Variants in UBR4 observed in about 807,000 individuals in gnomAD.
The protein encoded by UBR4 is E3 ubiquitin-protein ligase UBR4.
Under a neutral mutation model 575.6 loss-of-function variants are expected in UBR4, and 124 were observed. That is an observed-to-expected ratio of 0.22 (90% CI 0.19 to 0.25). UBR4 has a LOEUF of 0.25. UBR4 is among the 10% of genes least tolerant of loss of function. The probability of loss-of-function intolerance (pLI) is 1.00; values close to 1 mark genes in which losing one functional copy is unlikely to be tolerated. For missense variants in UBR4, 4,818 were observed against 6,478.8 expected, an observed-to-expected ratio of 0.74 and a Z score of 8.80; for synonymous variants, 2,455 against 2,473.7, an observed-to-expected ratio of 0.99 and a Z score of 0.22.
intron 73 of UBR4, among the ~76,000 whole-genome samples, chr1:19,116,661 A>G (rs1198205939): frequency 2.0e-5 from 3 of 152,236 alleles, no homozygotes; most frequent in Non-Finnish European, 4.4e-5. Flanking sequence ...AGTCAACACT[A>G]TAACCCATGT....
At position 19,150,805 on chromosome 1, in the gene UBR4, A is replaced by C. The variant is rs2085570834; in HGVS notation, c.7214-12T>G. On this transcript the variant is annotated splice_polypyrimidine_tract_variant and intron_variant, in intron 48 of 105. Coordinates refer to ENST00000375254, the MANE Select transcript of UBR4 (RefSeq NM_020765.3). ...CACCGAGGCCCCAACTGCAATAAGC[A>C]AGAGAGGCCTTTAGGAAGCACATTC... is the stretch of plus-strand genomic sequence containing the variant. The C allele has an allele frequency of 1.2e-6, 2 of 1,613,302 alleles. No homozygotes were observed. The highest frequency in any genetic ancestry group is 2.7e-5 in the African/African-American group (2 of 74,906).
intron 64 of UBR4, 102 bp from the exon 65 acceptor site, chr1:19,124,792 G>A (rs2081545031): frequency 1.4e-6 from 2 of 1,454,488 alleles, no homozygotes; most frequent in Admixed American, 4.4e-5. Flanking sequence ...GTTGGAGGTG[G>A]TAAAGGGTGC....
chr1:19,123,445 T>C (rs2081383334), intron 65 of UBR4, among the ~76,000 whole-genome samples: 1 of 109,992 alleles, frequency 9.1e-6, no homozygotes, highest in Non-Finnish European at 1.8e-5. Flanking sequence ...GAGTGAGACT[T>C]GGTCTTAAAA....
chr1:19,208,818 G>T (rs1463324781), intron 1 of UBR4, among the ~76,000 whole-genome samples: 1 of 152,132 alleles, frequency 6.6e-6, no homozygotes, highest in Non-Finnish European at 1.5e-5. Flanking sequence ...TAAAAAGACT[G>T]GAACGTTACT....
chr1:19,140,867 C>T lies in UBR4; in HGVS notation c.8514G>A (p.Leu2838=), dbSNP rs1158455475. Residue 2838 remains leucine, a synonymous_variant, in exon 58 of 106, where the codon CTG becomes CTA. Coordinates refer to ENST00000375254, the MANE Select transcript of UBR4 (RefSeq NM_020765.3). ...CCTGGCCGGACAGTCCCAGGCTCTGCAGGCCCAGGGCACTGCTGCTGCTGC... is the reference window on the plus strand; with the variant it reads ...CCTGGCCGGACAGTCCCAGGCTCTGTAGGCCCAGGGCACTGCTGCTGCTGC... ...QQGSSSSALG[L]QSLGLSGQAP... 2.5e-6 allele frequency: 4 copies of T among 1,611,492 alleles called. No individual in the cohort carries two copies. Among genetic ancestry groups the T allele is most frequent in the Non-Finnish European group, 3.4e-6 (4 of 1,179,562 alleles).
Position 19,093,228 on chromosome 1 carries a change from A to C in UBR4, c.14111+85T>G. The C allele has an allele frequency of 6.5e-7, 1 of 1,527,414 alleles. No individual in the cohort carries two copies. Among genetic ancestry groups the C allele is most frequent in the Admixed American group, 1.9e-5 (1 of 53,626 alleles). 94.6% of individuals were successfully genotyped at this position (1,527,414 alleles called of 1,614,324 possible). A position where few individuals can be genotyped will look rare whatever the true frequency, so the allele number is the denominator to read the frequency against. On this transcript the variant is annotated intron_variant, in intron 96 of 105. Coordinates refer to ENST00000375254, the MANE Select transcript of UBR4 (RefSeq NM_020765.3). The surrounding 1 kb of genome is among the most constrained non-coding windows in gnomAD (Gnocchi z 4.8). ...CAAGGAGGGCAAGGGGCACACGTGAAGCTTTATGCCAAGATGCTGATGGAG... is the reference window on the plus strand; with the variant it reads ...CAAGGAGGGCAAGGGGCACACGTGACGCTTTATGCCAAGATGCTGATGGAG...
At chr1:19,203,977 T>C (rs2092877767) in intron 1 of UBR4, among the ~76,000 whole-genome samples, 1 of 152,088 alleles carries the variant, frequency 6.6e-6, no homozygotes. Flanking sequence ...CTCATATACT[T>C]AGTTTTTCCT....
intron 60 of UBR4, among the ~76,000 whole-genome samples, chr1:19,129,843 C>G (rs960163446): frequency 2.0e-5 from 3 of 152,164 alleles, no homozygotes; most frequent in Admixed American, 6.5e-5. Context: ...GATTAAGAAT[C>G]TAGTTGCTGA....
intron 67 of UBR4, 54 bp from the exon 68 acceptor site, chr1:19,121,488 G>A (rs1204906558): frequency 1.3e-6 from 2 of 1,566,748 alleles, no homozygotes; most frequent in African/African-American, 2.7e-5. Context: ...ACCAGACTCA[G>A]GAGAACCAAA....
rs35944518 is a variant in UBR4 at position 19,205,639 on chromosome 1, C to CT, written c.177-3825dup. On this transcript the variant is annotated intron_variant, in intron 1 of 105. Transcript: ENST00000375254. ...TCATAATCTATCTTTTGGTGGCGGG[C>CT]TTTTTTTTTTTTTTTCCTGTAGGTC... Among the ~76,000 whole-genome samples the CT allele has an allele frequency of 7.0e-3, 995 of 142,682 alleles. 11 individuals are homozygous for CT. Among genetic ancestry groups the CT allele is most frequent in the African/African-American group, 0.02 (778 of 38,744 alleles). The allele number at this position is 142,682 out of a possible 152,430, so 93.6% of individuals were successfully genotyped here. A position where few individuals can be genotyped will look rare whatever the true frequency, so the allele number is the denominator to read the frequency against.
chr1:19,085,704 G>C (rs1557501819), intron 101 of UBR4, among the ~76,000 whole-genome samples: 1 of 152,070 alleles, frequency 6.6e-6, no homozygotes, highest in Non-Finnish European at 1.5e-5. Context: ...TTCTTATCTG[G>C]GTTTTTAGGA....
intron 60 of UBR4, among the ~76,000 whole-genome samples, chr1:19,132,218 G>A (rs1321311569): frequency 6.6e-6 from 1 of 152,040 alleles, no homozygotes; most frequent in Non-Finnish European, 1.5e-5. Context: ...GTCTCACTCT[G>A]TCACCCAGGC....
rs572994335 is a variant in UBR4 at position 19,124,748 on chromosome 1, T to C, written c.9439-58A>G. 5.1e-5 allele frequency: 80 copies of C among 1,583,322 alleles called. 2 individuals carry two copies. In the South Asian group the frequency reaches 8.1e-4, roughly 16 times the overall value. ...ACTATCGATTTTCCATGACCACAAT[T>C]AGGAAAAAGCCTGGCTCATTAGACG... On this transcript the variant is annotated intron_variant, in intron 64 of 105. Coordinates refer to ENST00000375254, the MANE Select transcript of UBR4 (RefSeq NM_020765.3).
At chr1:19,160,016 T>C (rs2087069112) in intron 39 of UBR4, 95 bp downstream of exon 39, 1 of 1,499,114 alleles carries the variant, frequency 6.7e-7, no homozygotes, top group Non-Finnish European at 9.0e-7. Flanking sequence ...TCAACTGCTC[T>C]AAGTATACTC....
rs1178575246 is a variant in UBR4, at chr1:19,152,527, A to G, written c.6833-51T>C. The stretch of plus-strand genomic sequence containing the variant: ...AAGAGTCTCTCCCACCTCTGCCCCA[A>G]CACCACTGGTAAAGACTCCTCCCAG... On this transcript the variant is annotated intron_variant, in intron 46 of 105. Coordinates refer to ENST00000375254, the MANE Select transcript of UBR4 (RefSeq NM_020765.3). This position sits in a 1 kb window ranked among gnomAD's most constrained non-coding sequence, Gnocchi z 4.4. 1 of 1,608,672 alleles carries G rather than the reference A, an allele frequency of 6.2e-7. No homozygotes were observed. Among genetic ancestry groups the G allele is most frequent in the Non-Finnish European group, 8.5e-7 (1 of 1,177,348 alleles).
chr1:19,187,438 C>T lies in UBR4; in HGVS notation c.1494+3G>A, dbSNP rs2091656261. ...CTGATTACCATGGGGATAACCTCCTCACCTTGTGAAGGGCCTCCACTTGTA... is the reference window on the plus strand; with the variant it reads ...CTGATTACCATGGGGATAACCTCCTTACCTTGTGAAGGGCCTCCACTTGTA... On this transcript the variant is annotated splice_donor_region_variant and intron_variant, in intron 12 of 105. Transcript: ENST00000375254. 1 of 1,614,072 alleles carries T rather than the reference C, an allele frequency of 6.2e-7. No individual in the cohort carries two copies. Among genetic ancestry groups the T allele is most frequent in the South Asian group, 1.1e-5 (1 of 91,072 alleles).
intron 14 of UBR4, 44 bp downstream of exon 14, chr1:19,186,496 A>C (rs1571613316): frequency 1.9e-6 from 3 of 1,563,862 alleles, no homozygotes; most frequent in South Asian, 1.1e-5. Context: ...CTCCTGTTGC[A>C]CTCTATAGCT....
chr1:19,079,384 G>A (rs1467278869), intron 103 of UBR4: 2 of 152,184 alleles, frequency 1.3e-5, no homozygotes, highest in Admixed American at 6.5e-5. Context: ...GCAGCCTAAA[G>A]TCCTGGAAGG....
chr1:19,096,590 C>A lies in UBR4; in HGVS notation c.13451G>T (p.Gly4484Val), dbSNP rs780077048. The A allele has an allele frequency of 1.2e-6, 2 of 1,613,786 alleles. No individual in the cohort carries two copies. Among genetic ancestry groups the A allele is most frequent in the Non-Finnish European group, 1.7e-6 (2 of 1,179,898 alleles). Reference protein sequence around the residue: ...KMAGVMAQCGGLECMLNRLAG... With the variant: ...KMAGVMAQCGVLECMLNRLAG... ...GAGTCTGTTAAGCATGCATTCCAGG[C>A]CCCCACACTGGGCCATCACACCAGC... Residue 4484 changes from glycine to valine, a missense_variant, in exon 92 of 106, where the codon GGC becomes GTC. Transcript: ENST00000375254.
Sources: allele counts gnomAD v4.1 joint callset (sites outside exome capture counted in the v4.1 genomes callset), GRCh38; gene constraint gnomAD v4.1.1; non-coding constraint Gnocchi (gnomAD v3.1); transcripts MANE v1.5; gene names NCBI Gene and HGNC (gene_info 2026-07-23, HGNC 2026-07-21).